Variants in HFM1 observed in about 807,000 individuals in gnomAD.
HFM1 encodes helicase for meiosis 1.
Under a neutral mutation model 192.1 loss-of-function variants are expected in HFM1, and 169 were observed. The ratio of observed to expected loss-of-function variants is 0.88; its 90% CI spans 0.78 to 1.00. HFM1 has a LOEUF of 1.00. Among genes scored for constraint, HFM1 ranks in the 50% least tolerant of loss-of-function variants. HFM1 has a pLI of 0.00. For synonymous variants in HFM1, 525 were observed against 537.8 expected, an observed-to-expected ratio of 0.98 and a Z score of 0.33; for missense variants, 1,661 against 1,668.0, an observed-to-expected ratio of 1.00 and a Z score of 0.07.
intron 13 of HFM1, among the ~76,000 whole-genome samples, chr1:91,354,408 G>A (rs1457687361): frequency 6.6e-6 from 1 of 151,752 alleles, no homozygotes; most frequent in Non-Finnish European, 1.5e-5. Context: ...TGAGGAAAAG[G>A]CATAGAAAGT....
chr1:91,291,514 T>C (rs1017300089), intron 30 of HFM1, among the ~76,000 whole-genome samples: 6 of 152,148 alleles, frequency 3.9e-5, no homozygotes, highest in African/African-American at 9.7e-5. Flanking sequence ...AGAAGTTGAA[T>C]CTCTGAATAG....
chr1:91,269,353 T>C (rs1595867), intron 34 of HFM1, among the ~76,000 whole-genome samples: 75,279 of 151,726 alleles, frequency 0.5, 19,296 homozygotes, highest in African/African-American at 0.64. Context: ...TTTAACATAA[T>C]TTAATTGAAA....
At chr1:91,345,166 A>C (rs1655965915) in intron 19 of HFM1, among the ~76,000 whole-genome samples, 1 of 152,216 alleles carries the variant, frequency 6.6e-6, no homozygotes, top group East Asian at 1.9e-4. Context: ...ACATCATAGA[A>C]TCATTTTGTC....
At chr1:91,308,096 T>C (rs965394441) in intron 30 of HFM1, among the ~76,000 whole-genome samples, 1 of 152,300 alleles carries the variant, frequency 6.6e-6, no homozygotes, top group Non-Finnish European at 1.5e-5. Flanking sequence ...TTGCCTCTGT[T>C]TGGGGTTTAC....
At position 91,353,253 on chromosome 1, in the gene HFM1, T is replaced by C. The variant is rs1324630228; in HGVS notation, c.1729+3A>G. The stretch of plus-strand genomic sequence containing the variant: ...GCTATTCAAAAATTATCTCTAAACC[T>C]ACCTCTCAGTTTTGAATCTCTTACG... On this transcript the variant is annotated splice_donor_region_variant and intron_variant, in intron 14 of 38. Coordinates refer to ENST00000370425, the MANE Select transcript of HFM1 (RefSeq NM_001017975.6). The C allele has an allele frequency of 1.3e-6, 2 of 1,584,628 alleles. No individual in the cohort carries two copies. Among genetic ancestry groups the C allele is most frequent in the Admixed American group, 1.7e-5 (1 of 59,252 alleles).
chr1:91,262,225 T>G lies in HFM1; in HGVS notation c.4238+16A>C, dbSNP rs200694100. ...TTTATTGATATAATCTTAAAGTGTC[T>G]TTAAAGAGTTCTTACCTGAAATCAA... is the stretch of plus-strand genomic sequence containing the variant. On this transcript the variant is annotated intron_variant, in intron 38 of 38. Transcript: ENST00000370425. 1,672 of 1,212,558 alleles carry G rather than the reference T, an allele frequency of 1.4e-3. No homozygotes were observed. Among genetic ancestry groups the G allele is most frequent in the Non-Finnish European group, 1.8e-3 (1,529 of 860,292 alleles). 75.1% of individuals were successfully genotyped at this position (1,212,558 alleles called of 1,614,324 possible).
At chr1:91,341,108 G>A (rs575754841) in intron 20 of HFM1, among the ~76,000 whole-genome samples, 1 of 152,176 alleles carries the variant, frequency 6.6e-6, no homozygotes, top group African/African-American at 2.4e-5. Flanking sequence ...GACATCTACA[G>A]AACACTCTAT....
chr1:91,388,431 C>T (rs1254803663), intron 4 of HFM1, among the ~76,000 whole-genome samples: 1 of 152,180 alleles, frequency 6.6e-6, no homozygotes, highest in Non-Finnish European at 1.5e-5. Flanking sequence ...CAGTCGGTGT[C>T]AGTCAACACC....
chr1:91,399,014 A>G (rs1027175325), intron 2 of HFM1, among the ~76,000 whole-genome samples: 2 of 151,420 alleles, frequency 1.3e-5, no homozygotes, highest in Non-Finnish European at 2.9e-5. Context: ...TCATTCAAAG[A>G]TATTTACTCA....
chr1:91,325,596 C>G (rs867302254), intron 20 of HFM1, among the ~76,000 whole-genome samples: 2 of 152,152 alleles, frequency 1.3e-5, no homozygotes, highest in East Asian at 3.9e-4. Context: ...ACAGCATAAT[C>G]GGGCTTATGG....
Position 91,262,498 on chromosome 1 carries a change from C to A in HFM1, c.4069G>T (p.Ala1357Ser). The change falls in exon 37 of 39, where the codon GCC becomes TCC. Residue 1357 changes from alanine to serine, a missense_variant. Coordinates refer to ENST00000370425, the MANE Select transcript of HFM1 (RefSeq NM_001017975.6). Reference sequence around the variant, plus strand: ...CTTCTTACAATAACTGCATTTCCGGCTTGTTGAGGTAATTTTGTCATGGAG... The same window carrying A: ...CTTCTTACAATAACTGCATTTCCGGATTGTTGAGGTAATTTTGTCATGGAG... ...ASSMTKLPQQ[A>S]GNAVIVHFQE... 6.2e-7 allele frequency: 1 copy of A among 1,600,244 alleles called. No individual in the cohort carries two copies. The highest frequency in any genetic ancestry group is 8.5e-7 in the Non-Finnish European group (1 of 1,169,762).
intron 13 of HFM1, among the ~76,000 whole-genome samples, chr1:91,362,028 T>C (rs1658585743): frequency 6.6e-6 from 1 of 152,142 alleles, no homozygotes; most frequent in African/African-American, 2.4e-5. Context: ...AAACTAGGTA[T>C]TGAAGGAACA....
At chr1:91,392,305 T>G (rs1663098788) in intron 4 of HFM1, among the ~76,000 whole-genome samples, 1 of 152,236 alleles carries the variant, frequency 6.6e-6, no homozygotes, top group African/African-American at 2.4e-5. Context: ...CACGTATGTT[T>G]ATTGCGGCAC....
At chr1:91,356,025 T>C (rs995694957) in intron 13 of HFM1, among the ~76,000 whole-genome samples, 7 of 152,106 alleles carry the variant, frequency 4.6e-5, no homozygotes, top group African/African-American at 1.2e-4. Flanking sequence ...TGAAATCATA[T>C]GTAGTATCAT....
chr1:91,304,887 C>T (rs1297165939), intron 30 of HFM1, among the ~76,000 whole-genome samples: 1 of 152,100 alleles, frequency 6.6e-6, no homozygotes, highest in African/African-American at 2.4e-5. Flanking sequence ...TGTGTCTATG[C>T]AGTTGCCCAG....
At chr1:91,293,886 C>T (rs1302376442) in intron 30 of HFM1, among the ~76,000 whole-genome samples, 1 of 151,114 alleles carries the variant, frequency 6.6e-6, no homozygotes, top group Non-Finnish European at 1.5e-5. Flanking sequence ...ATGATGAGTT[C>T]ATGTCCTTTG....
intron 11 of HFM1, among the ~76,000 whole-genome samples, chr1:91,377,003 G>A (rs1660982950): frequency 6.6e-6 from 1 of 151,466 alleles, no homozygotes; most frequent in Admixed American, 6.6e-5. Context: ...ATCTTCCATT[G>A]TTATAGTGTT....
Position 91,394,324 on chromosome 1 carries a change from T to G in HFM1, c.263A>C (p.Gln88Pro). ...NEDTNYISLT[Q>P]KFQFAFPSDK... ...AGAAGGAAAGGCAAACTGGAATTTT[T>G]GTGTTAGTGAAATATAATTTGTATC... Residue 88 changes from glutamine to proline, a missense_variant, in exon 4 of 39, where the codon CAA becomes CCA. Gln to Pro is a moderately conservative substitution (Grantham distance 76, BLOSUM62 -1). Transcript: ENST00000370425. 6.3e-7 allele frequency: 1 copy of G among 1,583,964 alleles called. No homozygotes were observed. Among genetic ancestry groups the G allele is most frequent in the Non-Finnish European group, 8.7e-7 (1 of 1,153,324 alleles).
intron 30 of HFM1, among the ~76,000 whole-genome samples, chr1:91,288,680 G>C (rs1232107868): frequency 6.6e-6 from 1 of 152,104 alleles, no homozygotes; most frequent in African/African-American, 2.4e-5. Context: ...ACGTTTGAGA[G>C]CACAGGGTTG....
Sources: gnomAD v4.1 joint callset for allele counts (sites outside exome capture counted in the v4.1 genomes callset) on GRCh38, gnomAD v4.1.1 for gene constraint, MANE v1.5 for transcripts, NCBI Gene and HGNC (gene_info 2026-07-23, HGNC 2026-07-21) for gene names.